The following PARVG variants were observed in gnomAD, a reference collection of about 807,000 sequenced individuals.
The protein encoded by PARVG is parvin gamma.
PARVG carries 36 observed loss-of-function variants against 44.4 expected under a neutral mutation model. The observed-to-expected ratio is 0.81, with a 90% CI of 0.62 to 1.07. The LOEUF (loss-of-function observed/expected upper bound fraction) is 1.07, where lower values mean the gene tolerates loss of function less well. Among genes scored for constraint, PARVG ranks in the 50% least tolerant of loss-of-function variants. The pLI is 0.00. For synonymous variants in PARVG, 170 were observed against 174.1 expected (o/e 0.98, Z 0.19); for missense variants, 407 against 407.4 (o/e 1.00, Z 0.01).
intron 4 of PARVG, chr22:44,187,157 T>C (rs2054483757): frequency 5.6e-6 from 1 of 178,310 alleles, no homozygotes. Flanking sequence ...CCTACTGTCT[T>C]ACAGTGCTGC....
chr22:44,205,887 G>A, intron 13 of PARVG, 58 bp downstream of exon 13: 1 of 1,577,070 alleles, frequency 6.3e-7, no homozygotes, highest in Non-Finnish European at 8.6e-7. Context: ...CCTTGTGCGA[G>A]AGCCACAGAA....
At chr22:44,183,999 G>A (rs1295688106) in intron 3 of PARVG, 1 of 177,932 alleles carries the variant, frequency 5.6e-6, no homozygotes, top group Non-Finnish European at 1.2e-5. Context: ...AACGACTATA[G>A]GTCGCCCTTT....
chr22:44,190,983 G>T (rs936086968), intron 7 of PARVG, among the ~76,000 whole-genome samples: 4 of 152,214 alleles, frequency 2.6e-5, no homozygotes, highest in African/African-American at 9.6e-5. Context: ...ATATCCCTGA[G>T]CCATGCGTGG....
upstream of PARVG, among the ~76,000 whole-genome samples, chr22:44,175,967 A>ACTGT (rs1422768190): frequency 1.3e-5 from 2 of 152,178 alleles, no homozygotes; most frequent in African/African-American, 2.4e-5. Flanking sequence ...TTTAGGAAAG[A>ACTGT]CTGTCACCTT....
chr22:44,181,888 C>A lies in PARVG; in HGVS notation c.-42C>A, dbSNP rs758567986. 4.1e-6 allele frequency: 4 copies of A among 985,374 alleles called. No individual in the cohort carries two copies. The highest frequency in any genetic ancestry group is 4.8e-6 in the Non-Finnish European group (4 of 830,032). The allele number at this position is 985,374 out of a possible 1,614,324, so 61.0% of individuals were successfully genotyped here. A position where few individuals can be genotyped will look rare whatever the true frequency, so the allele number is the denominator to read the frequency against. ...GGGACCACCCTTTGCACTCAGTAGG[C>A]CTTTGTTTTCCTGCGTGGAAAGCGG... On this transcript the variant is annotated 5_prime_UTR_variant, in exon 2 of 14. Transcript: ENST00000444313.
At chr22:44,191,289 G>A (rs1254562738) in intron 7 of PARVG, among the ~76,000 whole-genome samples, 2 of 151,736 alleles carry the variant, frequency 1.3e-5, no homozygotes, top group East Asian at 1.9e-4. Context: ...CCCCAGCCTC[G>A]GGTCCCTCAT....
At chr22:44,173,067 CT>C in exon 1 of PARVG, 1 of 1,289,796 alleles carries the variant, frequency 7.8e-7, no homozygotes, top group Non-Finnish European at 1.0e-6. Flanking sequence ...TTCCCGGGAC[CT>C]TCCAATTGGA....
intron 8 of PARVG, 99 bp downstream of exon 8, chr22:44,192,203 A>G (rs2054557751): frequency 5.1e-6 from 7 of 1,371,644 alleles, no homozygotes; most frequent in Non-Finnish European, 6.1e-6. Flanking sequence ...CTTTGTGGGA[A>G]GGGCCCTCAC....
rs1311504873 is a variant in PARVG at position 44,181,811 on chromosome 22, T to C, written c.-119T>C. The C allele has an allele frequency of 6.1e-6, 6 of 985,416 alleles. No homozygotes were observed. Among genetic ancestry groups the C allele is most frequent in the Non-Finnish European group, 7.2e-6 (6 of 830,026 alleles). 61.0% of individuals were successfully genotyped at this position (985,416 alleles called of 1,614,324 possible). A position where few individuals can be genotyped will look rare whatever the true frequency, so the allele number is the denominator to read the frequency against. ...GCAGCGGGGCTCCTGCCTCCCGGCCTGGTCCCCGAAGACCCCAGAAGAACC... is the reference window on the plus strand; with the variant it reads ...GCAGCGGGGCTCCTGCCTCCCGGCCCGGTCCCCGAAGACCCCAGAAGAACC... On this transcript the variant is annotated 5_prime_UTR_variant, in exon 2 of 14. Transcript: ENST00000444313.
At chr22:44,190,530 C>A (rs779118494) in intron 6 of PARVG, 21 bp from the exon 7 acceptor site, 1 of 1,596,430 alleles carries the variant, frequency 6.3e-7, no homozygotes, top group Non-Finnish European at 8.6e-7. Context: ...GGGCTCTGAC[C>A]TGTCTCCACT....
At chr22:44,180,652 A>G (rs959035272), upstream of PARVG, among the ~76,000 whole-genome samples, 1 of 152,214 alleles carries the variant, frequency 6.6e-6, no homozygotes, top group African/African-American at 2.4e-5. Context: ...CCTACCTCAC[A>G]AGGAAGTTTC....
chr22:44,192,213 C>T, intron 8 of PARVG, 109 bp downstream of exon 8: 8 of 1,265,756 alleles, frequency 6.3e-6, no homozygotes, highest in Non-Finnish European at 8.8e-6. Context: ...AGGGCCCTCA[C>T]ATTCTGTGGC....
In PARVG at chr22:44,202,349, C is replaced by T. The variant is rs540841112; in HGVS notation, c.814-3408C>T. On this transcript the variant is annotated intron_variant, in intron 12 of 13. Coordinates refer to ENST00000444313, the MANE Select transcript of PARVG (RefSeq NM_022141.7). ...AGAGAAGGCGGAGGAAGGGGGCAGG[C>T]AGGACCACCTGCGGGCTGAGGGCCT... 4.6e-5 allele frequency among the ~76,000 whole-genome samples: 7 copies of T among 152,300 alleles called. No individual in the cohort carries two copies. The East Asian group carries it at 1.4e-3, about 29-fold the overall frequency.
At chr22:44,192,935 C>T (rs539421122) in intron 8 of PARVG, among the ~76,000 whole-genome samples, 67 of 152,328 alleles carry the variant, frequency 4.4e-4, no homozygotes, top group African/African-American at 1.6e-3. Flanking sequence ...TTCTGTGTGG[C>T]GCTAACTCAC....
In PARVG at chr22:44,189,126, C is replaced by G. The variant is rs138075453; in HGVS notation, c.260C>G (p.Ala87Gly). The G allele has an allele frequency of 6.2e-6, 10 of 1,613,282 alleles. No individual in the cohort carries two copies. The highest frequency in any genetic ancestry group is 8.5e-7 in the Non-Finnish European group (1 of 1,179,962). The change falls in exon 6 of 14, where the codon GCG becomes GGG. Residue 87 changes from alanine (A) to glycine (G), a missense_variant. Ala to Gly is a moderately conservative substitution (Grantham distance 60). Transcript: ENST00000444313. ...ILHHLFQRLA[A>G]LKLEAEDIAL... The stretch of plus-strand genomic sequence containing the variant: ...CTCCTGCCTCCAGAGAGGCTGGCGG[C>G]GCTCAAGCTGGAAGCAGAGGACATC...
At chr22:44,189,697 AC>A (rs1367398482) in intron 6 of PARVG, among the ~76,000 whole-genome samples, 1 of 152,108 alleles carries the variant, frequency 6.6e-6, no homozygotes, top group Non-Finnish European at 1.5e-5. Flanking sequence ...CGGGTGGATC[AC>A]CTGAGGTCAG....
chr22:44,178,653 C>T (rs971427461), upstream of PARVG, among the ~76,000 whole-genome samples: 1 of 152,160 alleles, frequency 6.6e-6, no homozygotes, highest in African/African-American at 2.4e-5. Context: ...GTGATAGATT[C>T]TACAGGACAA....
rs1311542271 is a variant in PARVG at position 44,182,834 on chromosome 22, C to T, written c.-12-484C>T. Among the ~76,000 whole-genome samples, 1 of 152,166 alleles carries T rather than the reference C, an allele frequency of 6.6e-6. No homozygotes were observed. Among genetic ancestry groups the T allele is most frequent in the East Asian group, 1.9e-4 (1 of 5,178 alleles). ...GAACAGTGCCTCTGTCAACCCTGGC[C>T]CTTCCGGTTTATGGGATGGGAGATG... On this transcript the variant is annotated intron_variant, in intron 2 of 13. Coordinates refer to ENST00000444313, the MANE Select transcript of PARVG (RefSeq NM_022141.7). This position sits in a 1 kb window ranked among gnomAD's most constrained non-coding sequence, Gnocchi z 4.6.
chr22:44,205,505 A>G (rs1197743381), intron 12 of PARVG, among the ~76,000 whole-genome samples: 3 of 152,242 alleles, frequency 2.0e-5, no homozygotes, highest in African/African-American at 7.2e-5. Flanking sequence ...CCAGTGTGGT[A>G]TAGCACCTGC....
Sources: gnomAD v4.1 joint callset for allele counts (sites outside exome capture counted in the v4.1 genomes callset) on GRCh38, gnomAD v4.1.1 for gene constraint, Gnocchi (gnomAD v3.1) non-coding constraint, MANE v1.5 for transcripts, NCBI Gene and HGNC (gene_info 2026-07-23, HGNC 2026-07-21) for gene names.